HPSE2: variants seen among roughly 807,000 people sequenced by gnomAD.
HPSE2 encodes heparanase 2 (inactive).
Under a neutral mutation model 60.5 loss-of-function variants are expected in HPSE2, and 38 were observed. That is an observed-to-expected ratio of 0.63 (90% CI 0.48 to 0.82). HPSE2 has a LOEUF of 0.82. Ranked by LOEUF, HPSE2 falls within the 40% of genes least tolerant of loss-of-function variation. The pLI is 0.00. For missense variants in HPSE2, 713 were observed against 740.4 expected (o/e 0.96, Z 0.43); for synonymous variants, 295 against 293.2 (o/e 1.01, Z -0.06).
intron 9 of HPSE2, among the ~76,000 whole-genome samples, chr10:98,517,397 A>G (rs1942637849): frequency 6.6e-6 from 1 of 152,124 alleles, no homozygotes; most frequent in African/African-American, 2.4e-5. Context: ...AGAACCGCTG[A>G]TCTAGAGTGT....
At chr10:99,096,326 A>G (rs1007107508) in intron 3 of HPSE2, among the ~76,000 whole-genome samples, 1 of 152,208 alleles carries the variant, frequency 6.6e-6, no homozygotes, top group East Asian at 1.9e-4. Context: ...AATGAAAATA[A>G]CAGTATTACT....
intron 3 of HPSE2, among the ~76,000 whole-genome samples, chr10:98,749,755 T>A (rs1949710769): frequency 6.6e-6 from 1 of 150,948 alleles, no homozygotes; most frequent in Non-Finnish European, 1.5e-5. Context: ...GTAAGTGTTC[T>A]GAGTGCATTT....
intron 6 of HPSE2, among the ~76,000 whole-genome samples, chr10:98,680,878 C>T (rs1947767926): frequency 6.6e-6 from 1 of 151,954 alleles, no homozygotes; most frequent in South Asian, 2.1e-4. Flanking sequence ...ATCTCAGCCC[C>T]CAGAATAACT....
At chr10:99,082,324 G>T (rs990928785) in intron 3 of HPSE2, among the ~76,000 whole-genome samples, 19 of 152,212 alleles carry the variant, frequency 1.2e-4, no homozygotes, top group Non-Finnish European at 2.5e-4. Context: ...AGACCTCAAA[G>T]ATAATTACAA....
intron 3 of HPSE2, among the ~76,000 whole-genome samples, chr10:99,105,689 T>G (rs946950788): frequency 1.3e-5 from 2 of 152,114 alleles, no homozygotes; most frequent in East Asian, 3.8e-4. Flanking sequence ...GTCTAAGAAC[T>G]CTTTGCCCAC....
At chr10:98,635,509 G>A (rs1946473836) in intron 7 of HPSE2, among the ~76,000 whole-genome samples, 1 of 152,262 alleles carries the variant, frequency 6.6e-6, no homozygotes, top group African/African-American at 2.4e-5. Flanking sequence ...AGCCAGGTGT[G>A]GTGGCTTAGG....
Position 99,184,809 on chromosome 10 carries a change from T to C in HPSE2, c.449-40410A>G, listed in dbSNP as rs1445447959. On this transcript the variant is annotated intron_variant, in intron 2 of 11. Coordinates refer to ENST00000370552, the MANE Select transcript of HPSE2 (RefSeq NM_021828.5). ...AATTATATATATATATATATATATATATATATATATAGAGAGAGAGAGAGA... is the reference window on the plus strand; with the variant it reads ...AATTATATATATATATATATATATACATATATATATAGAGAGAGAGAGAGA... Among the ~76,000 whole-genome samples, 54 of 38,044 alleles carry C rather than the reference T, an allele frequency of 1.4e-3. 8 individuals carry two copies. Among genetic ancestry groups the C allele is most frequent in the Middle Eastern group, 0.033 (2 of 60 alleles). 25.0% of individuals were successfully genotyped at this position (38,044 alleles called of 152,430 possible). A position where few individuals can be genotyped will look rare whatever the true frequency, so the allele number is the denominator to read the frequency against.
chr10:98,797,321 T>C (rs571426572), intron 3 of HPSE2, among the ~76,000 whole-genome samples: 1 of 152,294 alleles, frequency 6.6e-6, no homozygotes, highest in South Asian at 2.1e-4. Context: ...GCAGAAATTC[T>C]ATAGTTGAAA....
chr10:98,991,566 G>C (rs1235816355), intron 3 of HPSE2, among the ~76,000 whole-genome samples: 4 of 152,182 alleles, frequency 2.6e-5, no homozygotes, highest in South Asian at 2.1e-4. Context: ...GTCACTGCAA[G>C]ATGGTAGCTT....
intron 3 of HPSE2, among the ~76,000 whole-genome samples, chr10:99,063,803 G>A (rs1326081896): frequency 6.6e-6 from 1 of 152,118 alleles, no homozygotes; most frequent in Non-Finnish European, 1.5e-5. Context: ...ATATAAAAAG[G>A]TCTGGAAGGC....
chr10:98,853,728 T>A lies in HPSE2; in HGVS notation c.611-109672A>T, dbSNP rs1952239112. 3.3e-5 allele frequency among the ~76,000 whole-genome samples: 5 copies of A among 152,144 alleles called. No individual in the cohort carries two copies. In the South Asian group the frequency reaches 1.0e-3, roughly 32 times the overall value. ...TAAAAAGGCAGTTATAAAGAGGAAA[T>A]GTATGATGCTAAGCCACAAGCGATA... On this transcript the variant is annotated intron_variant, in intron 3 of 11. Transcript: ENST00000370552.
intron 9 of HPSE2, among the ~76,000 whole-genome samples, chr10:98,611,307 T>C (rs1334853649): frequency 6.6e-6 from 1 of 152,166 alleles, no homozygotes; most frequent in Admixed American, 6.5e-5. Context: ...TTACCTTAGA[T>C]TGGGGCTGTT....
intron 3 of HPSE2, among the ~76,000 whole-genome samples, chr10:98,849,004 G>A (rs550940201): frequency 1.4e-5 from 2 of 144,470 alleles, no homozygotes; most frequent in East Asian, 4.1e-4. Flanking sequence ...GCCCACAGTC[G>A]AGTGGGAAAG....
intron 3 of HPSE2, among the ~76,000 whole-genome samples, chr10:98,997,346 G>A (rs1956672053): frequency 6.6e-6 from 1 of 151,730 alleles, no homozygotes. Context: ...TTGAACTCCT[G>A]ACCTCGTGAT....
chr10:99,313,057 C>T, the HPSE2 span, among the ~76,000 whole-genome samples: 1 of 152,134 alleles, frequency 6.6e-6, no homozygotes, highest in Non-Finnish European at 1.5e-5. Context: ...TTCCTGAGAC[C>T]TCCCCAGAAG....
intron 2 of HPSE2, among the ~76,000 whole-genome samples, chr10:99,205,297 A>G (rs1648151589): frequency 6.6e-6 from 1 of 151,124 alleles, no homozygotes; most frequent in African/African-American, 2.5e-5. Flanking sequence ...TGTTTAAGAG[A>G]AAAAAAATAG....
intron 3 of HPSE2, among the ~76,000 whole-genome samples, chr10:98,898,393 T>A (rs1457271941): frequency 6.6e-6 from 1 of 152,062 alleles, no homozygotes; most frequent in African/African-American, 2.4e-5. Context: ...TCTCATTTAG[T>A]GATAAAAGGA....
chr10:98,731,227 C>T (rs537206751), intron 4 of HPSE2, among the ~76,000 whole-genome samples: 408 of 152,146 alleles, frequency 2.7e-3, no homozygotes, highest in Non-Finnish European at 4.5e-3. Context: ...TGGAGTGAGC[C>T]GAGATTGTGC....
chr10:99,024,195 A>G (rs538732209), intron 3 of HPSE2, among the ~76,000 whole-genome samples: 40 of 152,320 alleles, frequency 2.6e-4, no homozygotes, highest in African/African-American at 8.9e-4. Flanking sequence ...GAAAAATGCA[A>G]TTGGTATACT....
Sources: allele counts gnomAD v4.1 joint callset (sites outside exome capture counted in the v4.1 genomes callset), GRCh38; gene constraint gnomAD v4.1.1; transcripts MANE v1.5; gene names NCBI Gene and HGNC (gene_info 2026-07-23, HGNC 2026-07-21).